The following FOXO1 variants were observed in gnomAD, a reference collection of about 807,000 sequenced individuals.
FOXO1 encodes the protein forkhead box O1, also known as forkhead box protein O1.
A neutral mutation model predicts 44.1 loss-of-function variants in FOXO1; 6 were observed. That is an observed-to-expected ratio of 0.14 (90% CI 0.07 to 0.27). FOXO1 has a LOEUF of 0.27. FOXO1 is among the 10% of genes least tolerant of loss of function. FOXO1 has a pLI of 1.00. For missense variants in FOXO1, 737 were observed against 888.8 expected (o/e 0.83, Z 2.17); for synonymous variants, 380 against 362.7 (o/e 1.05, Z -0.54).
chr13:40,588,190 G>C (rs57931209), intron 1 of FOXO1, among the ~76,000 whole-genome samples: 1 of 152,092 alleles, frequency 6.6e-6, no homozygotes, highest in Non-Finnish European at 1.5e-5. Flanking sequence ...GGATTAGGGA[G>C]TGCTCATCTT....
intron 1 of FOXO1, among the ~76,000 whole-genome samples, chr13:40,590,705 G>A (rs536309476): frequency 4.6e-5 from 7 of 152,216 alleles, no homozygotes; most frequent in East Asian, 1.9e-4. Context: ...CTGCAATATC[G>A]TTCCAGTTTC....
At chr13:40,595,525 C>T (rs970207625) in intron 1 of FOXO1, among the ~76,000 whole-genome samples, 14 of 152,194 alleles carry the variant, frequency 9.2e-5, no homozygotes, top group African/African-American at 2.6e-4. Flanking sequence ...CTGAGTAACA[C>T]TATGATACAT....
intron 1 of FOXO1, among the ~76,000 whole-genome samples, chr13:40,664,573 C>G (rs74372760): frequency 2.6e-5 from 4 of 152,146 alleles, no homozygotes; most frequent in Admixed American, 6.5e-5. Context: ...GTCGCAAAGC[C>G]CCCCCGCCTG....
chr13:40,572,791 T>A (rs956577145), intron 1 of FOXO1, among the ~76,000 whole-genome samples: 2 of 152,110 alleles, frequency 1.3e-5, no homozygotes, highest in Admixed American at 6.5e-5. Flanking sequence ...ACATCAGGGA[T>A]CCACCTGAGG....
At chr13:40,574,941 G>A (rs1390243919) in intron 1 of FOXO1, among the ~76,000 whole-genome samples, 3 of 152,110 alleles carry the variant, frequency 2.0e-5, no homozygotes, top group Non-Finnish European at 4.4e-5. Flanking sequence ...GCTATTCCTA[G>A]CTTAATTTAT....
At chr13:40,644,825 T>C (rs1479237138) in intron 1 of FOXO1, among the ~76,000 whole-genome samples, 1 of 152,146 alleles carries the variant, frequency 6.6e-6, no homozygotes, top group Non-Finnish European at 1.5e-5. Flanking sequence ...CTCCATCCAG[T>C]CCATGGTCTC....
In FOXO1 at chr13:40,665,683, G is replaced by A. The variant is rs746920781; in HGVS notation, c.530C>T (p.Ala177Val). 3.9e-6 allele frequency: 6 copies of A among 1,543,692 alleles called. No homozygotes were observed. In the African/African-American group the frequency reaches 5.6e-5, roughly 15 times the overall value. The part of the protein sequence containing the change: ...DLITKAIESS[A>V]EKRLTLSQIY... ...CTGCGACAGCGTGAGCCGCTTCTCC[G>A]CCGAGCTCTCGATGGCCTTGGTGAT... The change falls in exon 1 of 3, where the codon GCG (alanine) becomes GTG (valine). Residue 177 changes from alanine to valine, a missense_variant. By Grantham distance (64) the Ala-to-Val change is moderately conservative (BLOSUM62 0). Around this residue, in one of 7 missense-constraint regions of FOXO1, gnomAD observed 49 missense variants for 50.2 expected, o/e 0.98. Coordinates refer to ENST00000379561, the MANE Select transcript of FOXO1 (RefSeq NM_002015.4).
chr13:40,578,387 G>A (rs1476094290), intron 1 of FOXO1, among the ~76,000 whole-genome samples: 4 of 152,056 alleles, frequency 2.6e-5, no homozygotes, highest in South Asian at 2.1e-4. Context: ...ATTCCTACTC[G>A]GTATGAAATC....
intron 1 of FOXO1, among the ~76,000 whole-genome samples, chr13:40,632,699 T>C (rs1214399240): frequency 6.6e-6 from 1 of 151,690 alleles, no homozygotes; most frequent in African/African-American, 2.4e-5. Context: ...TCCCAGCACT[T>C]TGGGAGGCTG....
chr13:40,663,252 A>G (rs931115281), intron 1 of FOXO1, among the ~76,000 whole-genome samples: 2 of 152,276 alleles, frequency 1.3e-5, no homozygotes, highest in African/African-American at 4.8e-5. Context: ...TAAAAAAATC[A>G]GAACAAGAAC....
At chr13:40,566,086 A>G (rs1185244676) in intron 1 of FOXO1, among the ~76,000 whole-genome samples, 1 of 152,254 alleles carries the variant, frequency 6.6e-6, no homozygotes, top group Non-Finnish European at 1.5e-5. Context: ...CCACATGTGC[A>G]GGCATCACAC....
At chr13:40,579,374 C>T (rs531826931) in intron 1 of FOXO1, among the ~76,000 whole-genome samples, 1 of 152,302 alleles carries the variant, frequency 6.6e-6, no homozygotes, top group South Asian at 2.1e-4. Flanking sequence ...TTACTCCGTG[C>T]GAAGCAAGAC....
At chr13:40,636,377 A>G (rs1288098765) in intron 1 of FOXO1, among the ~76,000 whole-genome samples, 1 of 152,214 alleles carries the variant, frequency 6.6e-6, no homozygotes, top group Non-Finnish European at 1.5e-5. Flanking sequence ...TACTGTAAGA[A>G]TAAAATAATG....
intron 1 of FOXO1, among the ~76,000 whole-genome samples, chr13:40,645,079 A>G (rs1366325211): frequency 2.6e-5 from 4 of 152,216 alleles, no homozygotes; most frequent in African/African-American, 9.6e-5. Context: ...TGAAATGGCT[A>G]TGACTTCTTA....
intron 1 of FOXO1, among the ~76,000 whole-genome samples, chr13:40,581,585 G>T (rs1449789349): frequency 6.6e-6 from 1 of 152,114 alleles, no homozygotes; most frequent in Non-Finnish European, 1.5e-5. Context: ...AAATAACACA[G>T]AATTCAAATC....
At chr13:40,577,366 C>T (rs1874795577) in intron 1 of FOXO1, among the ~76,000 whole-genome samples, 2 of 152,190 alleles carry the variant, frequency 1.3e-5, no homozygotes, top group Non-Finnish European at 2.9e-5. Flanking sequence ...GATGCCCTGA[C>T]CTCTAACTGC....
intron 1 of FOXO1, chr13:40,620,488 G>T: frequency 1.8e-6 from 1 of 553,918 alleles, no homozygotes; most frequent in Admixed American, 2.6e-5. Flanking sequence ...ATTATGACTG[G>T]GTCTGGAGAA....
chr13:40,640,640 T>C (rs545578788), intron 1 of FOXO1, among the ~76,000 whole-genome samples: 3 of 151,990 alleles, frequency 2.0e-5, no homozygotes, highest in Non-Finnish European at 4.4e-5. Context: ...GGATGAAAGC[T>C]TAAGGATTTC....
At chr13:40,586,641 C>T (rs1324320975) in intron 1 of FOXO1, among the ~76,000 whole-genome samples, 2 of 152,186 alleles carry the variant, frequency 1.3e-5, no homozygotes, top group Non-Finnish European at 2.9e-5. Context: ...AACCAAGTAA[C>T]TTTTGAGCAA....
Sources: allele counts gnomAD v4.1 joint callset (sites outside exome capture counted in the v4.1 genomes callset), GRCh38; gene constraint gnomAD v4.1.1; regional missense constraint gnomAD v4.1.1; transcripts MANE v1.5; gene names NCBI Gene and HGNC (gene_info 2026-07-23, HGNC 2026-07-21).